The following CNTNAP2 variants were observed in gnomAD, a reference collection of about 807,000 sequenced individuals.
CNTNAP2 encodes the protein contactin-associated protein-like 2.
In CNTNAP2, 98 loss-of-function variants were observed where a neutral mutation model predicts 155.2. The observed-to-expected ratio is 0.63, with a 90% CI of 0.54 to 0.75. The LOEUF is 0.75. Ranked by LOEUF, CNTNAP2 falls within the 30% of genes least tolerant of loss-of-function variation. The pLI, the probability that CNTNAP2 is intolerant of heterozygous loss-of-function variation, is 0.00. For synonymous variants in CNTNAP2, 651 were observed against 631.2 expected, an observed-to-expected ratio of 1.03 and a Z score of -0.47; for missense variants, 1,727 against 1,688.1, an observed-to-expected ratio of 1.02 and a Z score of -0.40.
rs1238215244 is a variant in CNTNAP2, at chr7:148,376,049, G to T, written c.3476-7600G>T. On this transcript the variant is annotated intron_variant, in intron 21 of 23. Coordinates refer to ENST00000361727, the MANE Select transcript of CNTNAP2 (RefSeq NM_014141.6). ...GTGAGTGACAATTTCAACCTATTTA[G>T]TATCCCCAAAAGCTCAGGAGCTGTG... is the stretch of plus-strand genomic sequence containing the variant. 4.6e-5 allele frequency among the ~76,000 whole-genome samples: 3 copies of T among 64,956 alleles called. 1 individual carries two copies. Among genetic ancestry groups the T allele is most frequent in the Middle Eastern group, 0.019 (2 of 108 alleles). The allele number at this position is 64,956 out of a possible 152,430, so 42.6% of individuals were successfully genotyped here.
At chr7:147,554,635 G>C (rs1367555409) in intron 11 of CNTNAP2, among the ~76,000 whole-genome samples, 1 of 152,054 alleles carries the variant, frequency 6.6e-6, no homozygotes, top group African/African-American at 2.4e-5. Context: ...TTGAGGCTTG[G>C]ACAGGTAAAT....
intron 14 of CNTNAP2, among the ~76,000 whole-genome samples, chr7:147,943,620 T>G (rs116131242): frequency 0.054 from 8,125 of 151,684 alleles, 289 homozygotes; most frequent in South Asian, 0.14. Context: ...AATAGAAACA[T>G]TATCTGGGCG....
chr7:147,532,662 G>GTT (rs1457274655), intron 11 of CNTNAP2, among the ~76,000 whole-genome samples: 2 of 152,198 alleles, frequency 1.3e-5, no homozygotes, highest in African/African-American at 4.8e-5. Flanking sequence ...GAAAAAGGAA[G>GTT]TTTAATTGGA....
rs563543231 is a variant in CNTNAP2, at chr7:147,211,659, T to C, written c.1348+79150T>C. On this transcript the variant is annotated intron_variant, in intron 8 of 23. Coordinates refer to ENST00000361727, the MANE Select transcript of CNTNAP2 (RefSeq NM_014141.6). ...ACCATATACAAAAGTTAACTAAAGA[T>C]AGATTAAAGGTTTAAATGTAAGACC... is the stretch of plus-strand genomic sequence containing the variant. Among the ~76,000 whole-genome samples, 5 of 152,138 alleles carry C rather than the reference T, an allele frequency of 3.3e-5. No individual in the cohort carries two copies. In the East Asian group the frequency reaches 9.7e-4, roughly 29 times the overall value.
rs960157737 is a variant in CNTNAP2 at position 148,385,803 on chromosome 7, A to C, written c.3715+1915A>C. 2.8e-5 allele frequency among the ~76,000 whole-genome samples: 4 copies of C among 141,910 alleles called. No individual in the cohort carries two copies. The Admixed American group carries it at 2.9e-4, about 10-fold the overall frequency. 93.1% of individuals were successfully genotyped at this position (141,910 alleles called of 152,430 possible). On this transcript the variant is annotated intron_variant, in intron 22 of 23. Transcript: ENST00000361727. ...CACTCAGTTGCCCATGCTGGAGTACAATGGCACCATTGCAACCTCTGCCTC... is the reference window on the plus strand; with the variant it reads ...CACTCAGTTGCCCATGCTGGAGTACCATGGCACCATTGCAACCTCTGCCTC...
chr7:147,685,224 A>C (rs1796000669), intron 13 of CNTNAP2, among the ~76,000 whole-genome samples: 1 of 151,906 alleles, frequency 6.6e-6, no homozygotes, highest in Non-Finnish European at 1.5e-5. Flanking sequence ...GCGTATAGAG[A>C]CGTTTGTTTT....
intron 1 of CNTNAP2, among the ~76,000 whole-genome samples, chr7:146,771,267 T>C (rs189063554): frequency 6.6e-6 from 1 of 152,288 alleles, no homozygotes; most frequent in East Asian, 1.9e-4. Context: ...AATTTCACCT[T>C]CAGCTGCACT....
At chr7:147,499,161 C>T (rs1416348213) in intron 11 of CNTNAP2, among the ~76,000 whole-genome samples, 2 of 152,096 alleles carry the variant, frequency 1.3e-5, no homozygotes, top group African/African-American at 4.8e-5. Context: ...GGAAGATGAG[C>T]TTGTTATCCA....
intron 1 of CNTNAP2, among the ~76,000 whole-genome samples, chr7:146,508,039 G>A (rs73464762): frequency 4.6e-5 from 7 of 152,174 alleles, no homozygotes; most frequent in African/African-American, 1.7e-4. Context: ...TGAAGGGGGT[G>A]TTACTTTATT....
At chr7:147,203,696 G>A (rs1802965823) in intron 8 of CNTNAP2, among the ~76,000 whole-genome samples, 1 of 151,924 alleles carries the variant, frequency 6.6e-6, no homozygotes, top group Non-Finnish European at 1.5e-5. Flanking sequence ...ATTACCATGG[G>A]TATCAAGATA....
intron 10 of CNTNAP2, among the ~76,000 whole-genome samples, chr7:147,422,652 C>A (rs1191170229): frequency 3.3e-5 from 5 of 152,048 alleles, no homozygotes; most frequent in African/African-American, 1.2e-4. Flanking sequence ...ACCATCTAAG[C>A]AGAAAATAGT....
At chr7:147,333,729 A>T (rs1231366128) in intron 9 of CNTNAP2, among the ~76,000 whole-genome samples, 7 of 152,204 alleles carry the variant, frequency 4.6e-5, no homozygotes, top group Non-Finnish European at 7.3e-5. Context: ...TTACCTACTT[A>T]GAGACCTCTG....
chr7:148,129,785 C>T (rs749742452), intron 16 of CNTNAP2, among the ~76,000 whole-genome samples: 37 of 152,198 alleles, frequency 2.4e-4, no homozygotes, highest in African/African-American at 7.0e-4. Flanking sequence ...ATGAACAATT[C>T]GGCAAACCTG....
At chr7:147,049,241 C>T (rs1799424889) in intron 4 of CNTNAP2, among the ~76,000 whole-genome samples, 1 of 152,126 alleles carries the variant, frequency 6.6e-6, no homozygotes, top group Non-Finnish European at 1.5e-5. Flanking sequence ...CACCAAATGT[C>T]CAGATAAGAT....
chr7:147,547,630 AAC>A (rs55909556), intron 11 of CNTNAP2, among the ~76,000 whole-genome samples: 4,481 of 115,974 alleles, frequency 0.039, 100 homozygotes, highest in South Asian at 0.072. Flanking sequence ...ATTTCTTCTA[AAC>A]ACACACACAC....
rs116407148 is a variant in CNTNAP2, at chr7:146,727,323, G to A, written c.98-46948G>A. 6.7e-3 allele frequency among the ~76,000 whole-genome samples: 1,027 copies of A among 152,202 alleles called. 12 individuals carry two copies. Among genetic ancestry groups the A allele is most frequent in the Middle Eastern group, 0.031 (9 of 294 alleles). The stretch of plus-strand genomic sequence containing the variant: ...TCACAGAAGCTTAGGTGGTGTACTT[G>A]GAATATAAATGCACATACTAATGGA... On this transcript the variant is annotated intron_variant, in intron 1 of 23. Coordinates refer to ENST00000361727, the MANE Select transcript of CNTNAP2 (RefSeq NM_014141.6).
intron 13 of CNTNAP2, among the ~76,000 whole-genome samples, chr7:147,887,839 G>A (rs1375239366): frequency 6.6e-6 from 1 of 152,218 alleles, no homozygotes; most frequent in Non-Finnish European, 1.5e-5. Flanking sequence ...TTAGCTCAGA[G>A]TACAAAGAAG....
rs957369755 is a variant in CNTNAP2, at chr7:146,326,916, C to T, written c.97+209943C>T. 7.2e-5 allele frequency among the ~76,000 whole-genome samples: 11 copies of T among 152,062 alleles called. 1 individual carries two copies. Among genetic ancestry groups the T allele is most frequent in the South Asian group, 4.2e-4 (2 of 4,810 alleles). On this transcript the variant is annotated intron_variant, in intron 1 of 23. Transcript: ENST00000361727. ...TATTATATTTTTATGTCAATTATGT[C>T]GAAGAAAATATTTCTCTTCCTATGC...
intron 13 of CNTNAP2, among the ~76,000 whole-genome samples, chr7:147,679,110 C>T (rs1314069418): frequency 1.3e-5 from 2 of 151,656 alleles, no homozygotes; most frequent in Non-Finnish European, 2.9e-5. Context: ...GTGACTTATC[C>T]GTCTTTATCA....
Sources: gnomAD v4.1 joint callset for allele counts (sites outside exome capture counted in the v4.1 genomes callset) on GRCh38, gnomAD v4.1.1 for gene constraint, MANE v1.5 for transcripts, NCBI Gene and HGNC (gene_info 2026-07-23, HGNC 2026-07-21) for gene names.